Variants in COPA observed in about 807,000 individuals in gnomAD.
COPA encodes the protein coatomer subunit alpha.
COPA carries 10 observed loss-of-function variants against 158.7 expected under a neutral mutation model. The ratio of observed to expected loss-of-function variants is 0.06; its 90% CI spans 0.04 to 0.11. The LOEUF (loss-of-function observed/expected upper bound fraction) is 0.11. Ranked by LOEUF, COPA falls within the 10% of genes least tolerant of loss-of-function variation. COPA has a pLI of 1.00. For missense variants in COPA, 1,065 were observed against 1,536.7 expected (o/e 0.69, Z 5.13); for synonymous variants, 462 against 542.8 (o/e 0.85, Z 2.07).
intron 6 of COPA, among the ~76,000 whole-genome samples, chr1:160,327,837 A>G (rs1409443873): frequency 2.0e-5 from 3 of 152,198 alleles, no homozygotes; most frequent in Non-Finnish European, 4.4e-5. Flanking sequence ...CAGCCTGGGC[A>G]ACAGAGTGAA....
At chr1:160,307,966 G>A (rs1658842965) in intron 13 of COPA, among the ~76,000 whole-genome samples, 1 of 152,186 alleles carries the variant, frequency 6.6e-6, no homozygotes, top group African/African-American at 2.4e-5. Context: ...GGCATCTGGA[G>A]TGGCAGGCAA....
chr1:160,288,981 T>A lies in COPA; in HGVS notation c.*1176A>T, dbSNP rs1226237374. On this transcript the variant is annotated 3_prime_UTR_variant, in exon 33 of 33. Transcript: ENST00000241704. ...AACATGTGCTTCTTTTTTTCTTTCT[T>A]TTTTTTTGAGATGGAGTCTCACTCT... Among the ~76,000 whole-genome samples the A allele has an allele frequency of 6.6e-6, 1 of 151,928 alleles. No homozygotes were observed. The highest frequency in any genetic ancestry group is 1.5e-5 in the Non-Finnish European group (1 of 67,968).
At chr1:160,330,968 G>A (rs538072533) in intron 6 of COPA, among the ~76,000 whole-genome samples, 38 of 152,084 alleles carry the variant, frequency 2.5e-4, no homozygotes, top group Admixed American at 1.9e-3. Context: ...GAGATCAGGA[G>A]CTCGAGACCA....
At chr1:160,333,707 A>T in intron 4 of COPA, 28 bp from the exon 5 acceptor site, 9 of 1,545,904 alleles carry the variant, frequency 5.8e-6, no homozygotes, top group Non-Finnish European at 8.0e-6. Context: ...CAAAGGCTTT[A>T]AACATTAAAC....
intron 12 of COPA, 126 bp from the exon 13 acceptor site, chr1:160,309,302 C>A: frequency 2.8e-6 from 2 of 717,830 alleles, no homozygotes; most frequent in Non-Finnish European, 2.4e-6. Context: ...ACTTTTCTTA[C>A]CCTTCACCCA....
chr1:160,335,600 C>T (rs1557876164), intron 3 of COPA, among the ~76,000 whole-genome samples: 1 of 152,024 alleles, frequency 6.6e-6, no homozygotes, highest in Admixed American at 6.6e-5. Context: ...TGAAGTTTTT[C>T]AGGCTGGGCG....
chr1:160,323,328 C>T (rs753089042), intron 8 of COPA, 103 bp downstream of exon 8: 22 of 666,578 alleles, frequency 3.3e-5, no homozygotes, highest in Middle Eastern at 7.2e-4. Context: ...ATTAATTAAT[C>T]ACCTAAGGTA....
At chr1:160,327,790 G>A (rs1383701794) in intron 6 of COPA, among the ~76,000 whole-genome samples, 7 of 152,102 alleles carry the variant, frequency 4.6e-5, no homozygotes, top group African/African-American at 7.2e-5. Flanking sequence ...CCCGGGAGAC[G>A]GAGGCTGCGA....
At chr1:160,317,090 G>A (rs995945431) in intron 8 of COPA, among the ~76,000 whole-genome samples, 4 of 149,920 alleles carry the variant, frequency 2.7e-5, no homozygotes, top group African/African-American at 9.9e-5. Context: ...CATTTTCCAA[G>A]TGCTCAAAGA....
chr1:160,328,304 T>A (rs1334318369), intron 6 of COPA, among the ~76,000 whole-genome samples: 1 of 152,096 alleles, frequency 6.6e-6, no homozygotes, highest in African/African-American at 2.4e-5. Context: ...AACAAACACA[T>A]TAAAAGGAAA....
chr1:160,335,375 G>C, intron 3 of COPA, 53 bp from the exon 4 acceptor site: 1 of 1,444,142 alleles, frequency 6.9e-7, no homozygotes, highest in Non-Finnish European at 9.5e-7. Flanking sequence ...GCCTCTAAAA[G>C]GCTCAGAGAA....
intron 11 of COPA, 67 bp from the exon 12 acceptor site, chr1:160,310,325 C>A: frequency 1.2e-6 from 1 of 865,522 alleles, no homozygotes; most frequent in South Asian, 1.7e-5. Flanking sequence ...AGAAAGGAAT[C>A]ACCCCCACAC....
At chr1:160,307,383 C>T (rs1658825463) in intron 13 of COPA, 138 bp from the exon 14 acceptor site, 1 of 766,396 alleles carries the variant, frequency 1.3e-6, no homozygotes, top group Admixed American at 1.9e-5. Context: ...CTAATTCAGC[C>T]ATAACCTGGG....
At chr1:160,323,391 A>G in intron 8 of COPA, 40 bp downstream of exon 8, 1 of 1,535,278 alleles carries the variant, frequency 6.5e-7, no homozygotes, top group Non-Finnish European at 8.9e-7. Context: ...GCTGGCTGGC[A>G]GTTTCTTAGA....
intron 17 of COPA, among the ~76,000 whole-genome samples, chr1:160,300,853 T>C (rs2101831341): frequency 6.6e-6 from 1 of 152,324 alleles, no homozygotes; most frequent in African/African-American, 2.4e-5. Flanking sequence ...GCACAGTGGC[T>C]CATGCCTGTA....
chr1:160,317,091 T>C (rs1030467567), intron 8 of COPA, among the ~76,000 whole-genome samples: 3 of 149,982 alleles, frequency 2.0e-5, no homozygotes, highest in Middle Eastern at 3.5e-3. Context: ...ATTTTCCAAG[T>C]GCTCAAAGAA....
rs1469584340 is a variant in COPA, at chr1:160,323,419, C to A, written c.706+12G>T. ...TTCTTAGATATGGCGATAATGTAAC[C>A]GGTTCACTCACCATTCATGCGCCAG... On this transcript the variant is annotated intron_variant, in intron 8 of 32. Coordinates refer to ENST00000241704, the MANE Select transcript of COPA (RefSeq NM_004371.4). 1.9e-6 allele frequency: 3 copies of A among 1,592,600 alleles called. No individual in the cohort carries two copies. Among genetic ancestry groups the A allele is most frequent in the South Asian group, 2.3e-5 (2 of 87,732 alleles).
intron 6 of COPA, among the ~76,000 whole-genome samples, chr1:160,330,909 C>T (rs1156587489): frequency 1.3e-5 from 2 of 152,122 alleles, no homozygotes; most frequent in African/African-American, 2.4e-5. Flanking sequence ...CATGGTGGCT[C>T]GCGCCTATAA....
intron 6 of COPA, among the ~76,000 whole-genome samples, chr1:160,329,196 C>G (rs1647393002): frequency 6.6e-6 from 1 of 152,196 alleles, no homozygotes; most frequent in African/African-American, 2.4e-5. Flanking sequence ...AATACCAAAG[C>G]ATCTCCTTCC....
Sources: gnomAD v4.1 joint callset for allele counts (sites outside exome capture counted in the v4.1 genomes callset) on GRCh38, gnomAD v4.1.1 for gene constraint, MANE v1.5 for transcripts, NCBI Gene and HGNC (gene_info 2026-07-23, HGNC 2026-07-21) for gene names.